RSRC1: variants seen among roughly 807,000 people sequenced by gnomAD.
The protein encoded by RSRC1 is arginine and serine rich coiled-coil 1, also known as serine/Arginine-related protein 53.
Under a neutral mutation model 49.1 loss-of-function variants are expected in RSRC1, and 39 were observed. That is an observed-to-expected ratio of 0.79 (90% CI 0.61 to 1.04). The LOEUF (loss-of-function observed/expected upper bound fraction) is 1.04, where lower values mean the gene tolerates loss of function less well. Ranked by LOEUF, RSRC1 falls within the 50% of genes least tolerant of loss-of-function variation. The pLI, the probability that RSRC1 is intolerant of heterozygous loss-of-function variation, is 0.00. For synonymous variants in RSRC1, 143 were observed against 130.8 expected (o/e 1.09, Z -0.63); for missense variants, 388 against 402.4 (o/e 0.96, Z 0.31).
chr3:158,180,803 G>GC (rs2108251990), intron 3 of RSRC1, among the ~76,000 whole-genome samples: 1 of 109,450 alleles, frequency 9.1e-6, no homozygotes, highest in African/African-American at 3.5e-5. Context: ...GGGATTATAT[G>GC]CTTTTTTTTT....
intron 6 of RSRC1, among the ~76,000 whole-genome samples, chr3:158,448,504 A>G (rs1317945511): frequency 1.3e-5 from 2 of 151,946 alleles, no homozygotes; most frequent in Non-Finnish European, 2.9e-5. Flanking sequence ...CGCATTTAAA[A>G]AAACTATCAG....
chr3:158,502,482 C>T (rs1739650703), intron 7 of RSRC1, among the ~76,000 whole-genome samples: 1 of 152,194 alleles, frequency 6.6e-6, no homozygotes, highest in Admixed American at 6.5e-5. Flanking sequence ...GAATTCTCTT[C>T]TTCCTCAGAA....
intron 7 of RSRC1, among the ~76,000 whole-genome samples, chr3:158,495,359 C>T (rs1409622632): frequency 6.6e-6 from 1 of 152,070 alleles, no homozygotes; most frequent in Non-Finnish European, 1.5e-5. Context: ...GATCTTGGCT[C>T]ACTGCAACTC....
rs1193714403 is a variant in RSRC1, at chr3:158,459,829, ATTATATAAGTT to A, written c.584-1100_584-1090del. ...ATTGGATATAGTACTTCATAACACC[ATTATATAAGTT>A]TTATACTTTAAGAAAGTGTCAATAT... is the stretch of plus-strand genomic sequence containing the variant. On this transcript the variant is annotated intron_variant, in intron 6 of 9. Transcript: ENST00000611884. 2.0e-5 allele frequency among the ~76,000 whole-genome samples: 3 copies of A among 152,032 alleles called. No homozygotes were observed. The East Asian group carries it at 5.8e-4, about 29-fold the overall frequency.
At chr3:158,459,387 C>T (rs1250560172) in intron 6 of RSRC1, among the ~76,000 whole-genome samples, 1 of 152,054 alleles carries the variant, frequency 6.6e-6, no homozygotes, top group Non-Finnish European at 1.5e-5. Flanking sequence ...ATCCATCTTA[C>T]GTTGTTAATG....
At chr3:158,207,670 G>T (rs62286870) in intron 4 of RSRC1, among the ~76,000 whole-genome samples, 8 of 67,182 alleles carry the variant, frequency 1.2e-4, no homozygotes, top group East Asian at 7.5e-4. Context: ...GATAGACAGA[G>T]AGACAGACAG....
intron 7 of RSRC1, among the ~76,000 whole-genome samples, chr3:158,516,845 A>T (rs556350146): frequency 1.3e-5 from 2 of 152,124 alleles, no homozygotes; most frequent in African/African-American, 4.8e-5. Context: ...TTCAGGTGGG[A>T]GTGACCCGAT....
chr3:158,228,818 TAG>T (rs1722672247), intron 4 of RSRC1, among the ~76,000 whole-genome samples: 3 of 82,342 alleles, frequency 3.6e-5, no homozygotes, highest in African/African-American at 1.0e-4. Context: ...TCTATGATCA[TAG>T]ACACACGTGT....
At chr3:158,124,868 G>T in intron 3 of RSRC1, among the ~76,000 whole-genome samples, 1 of 142,270 alleles carries the variant, frequency 7.0e-6, no homozygotes. Flanking sequence ...ACCTAGGCTT[G>T]GGTGTATTGG....
intron 6 of RSRC1, among the ~76,000 whole-genome samples, chr3:158,392,569 A>C (rs1261948281): frequency 6.6e-6 from 1 of 152,100 alleles, no homozygotes; most frequent in African/African-American, 2.4e-5. Flanking sequence ...ACCAACTATG[A>C]TCCAAAAATA....
chr3:158,529,566 C>T (rs969563455), intron 7 of RSRC1, among the ~76,000 whole-genome samples: 1 of 151,862 alleles, frequency 6.6e-6, no homozygotes, highest in Admixed American at 6.6e-5. Flanking sequence ...AAGTGCTCAG[C>T]GCAGAGTGCC....
In RSRC1 at chr3:158,477,826, A is replaced by ATATATG. The variant is rs1491151938; in HGVS notation, c.652+16824_652+16825insATATGT. On this transcript the variant is annotated intron_variant, in intron 7 of 9. Coordinates refer to ENST00000611884, the MANE Select transcript of RSRC1 (RefSeq NM_001271838.2). Reference sequence around the variant, plus strand: ...TATATATATATATATATATATATATATGAAAGCCCTATGATAATATAACCT... The same window carrying ATATATG: ...TATATATATATATATATATATATATATATATGTGAAAGCCCTATGATAATATAACCT... 5.0e-4 allele frequency among the ~76,000 whole-genome samples: 67 copies of ATATATG among 134,632 alleles called. 2 individuals are homozygous for ATATATG. The highest frequency in any genetic ancestry group is 1.8e-3 in the African/African-American group (64 of 36,500). 88.3% of individuals were successfully genotyped at this position (134,632 alleles called of 152,430 possible). A position where few individuals can be genotyped will look rare whatever the true frequency, so the allele number is the denominator to read the frequency against.
intron 7 of RSRC1, among the ~76,000 whole-genome samples, chr3:158,485,098 A>G (rs1410251644): frequency 6.6e-6 from 1 of 152,026 alleles, no homozygotes; most frequent in Non-Finnish European, 1.5e-5. Context: ...AGTTTACATT[A>G]TTCTTCCTTT....
chr3:158,159,855 GT>G, intron 3 of RSRC1, among the ~76,000 whole-genome samples: 1 of 152,080 alleles, frequency 6.6e-6, no homozygotes, highest in Non-Finnish European at 1.5e-5. Context: ...TCATGATTTT[GT>G]TTGTGCCCAA....
Position 158,535,117 on chromosome 3 carries a change from A to G in RSRC1, c.653-1975A>G, listed in dbSNP as rs570681129. On this transcript the variant is annotated intron_variant, in intron 7 of 9. Transcript: ENST00000611884. ...AACTGAAACAAATAAACCTAATTGT[A>G]TATCAAATTGATAGCATAATTATGC... 2.6e-5 allele frequency among the ~76,000 whole-genome samples: 4 copies of G among 151,592 alleles called. No homozygotes were observed. In the South Asian group the frequency reaches 6.2e-4, roughly 24 times the overall value.
At chr3:158,331,228 C>T in intron 5 of RSRC1, among the ~76,000 whole-genome samples, 1 of 152,174 alleles carries the variant, frequency 6.6e-6, no homozygotes, top group East Asian at 1.9e-4. Flanking sequence ...CTAGAATTAG[C>T]TGTCATTTAT....
chr3:158,271,918 A>G (rs1725540398), intron 4 of RSRC1, among the ~76,000 whole-genome samples: 1 of 152,172 alleles, frequency 6.6e-6, no homozygotes, highest in Non-Finnish European at 1.5e-5. Flanking sequence ...GGTTAATATT[A>G]GTCTTTTGAG....
chr3:158,238,825 A>G (rs1445105040), intron 4 of RSRC1, among the ~76,000 whole-genome samples: 3 of 152,230 alleles, frequency 2.0e-5, no homozygotes, highest in Non-Finnish European at 4.4e-5. Flanking sequence ...TTCATGACTA[A>G]AACACCAAAA....
intron 5 of RSRC1, among the ~76,000 whole-genome samples, chr3:158,332,951 G>A (rs1025069919): frequency 1.3e-5 from 2 of 151,138 alleles, no homozygotes; most frequent in Admixed American, 1.3e-4. Context: ...TTTTCTCTTA[G>A]GGATGCTTTT....
Sources: allele counts gnomAD v4.1 joint callset (sites outside exome capture counted in the v4.1 genomes callset), GRCh38; gene constraint gnomAD v4.1.1; transcripts MANE v1.5; gene names NCBI Gene and HGNC (gene_info 2026-07-23, HGNC 2026-07-21).